Variants in CAMK4 observed in about 807,000 individuals in gnomAD.
CAMK4 encodes calcium/calmodulin dependent protein kinase IV, also known as calcium/calmodulin-dependent protein kinase type IV.
In CAMK4, 22 loss-of-function variants were observed where a neutral mutation model predicts 44.9. The observed-to-expected ratio is 0.49, with a 90% CI of 0.35 to 0.70. The LOEUF is 0.70. Among genes scored for constraint, CAMK4 ranks in the 30% least tolerant of loss-of-function variants. The pLI is 0.01. For synonymous variants in CAMK4, 218 were observed against 215.4 expected (o/e 1.01, Z -0.11); for missense variants, 498 against 586.8 (o/e 0.85, Z 1.56).
At chr5:111,444,911 A>G (rs192893890) in intron 5 of CAMK4, among the ~76,000 whole-genome samples, 16 of 152,354 alleles carry the variant, frequency 1.1e-4, no homozygotes, top group Admixed American at 7.8e-4. Context: ...CAAACTTAAG[A>G]CACAATCTTT....
At position 111,234,310 on chromosome 5, in the gene CAMK4, C is replaced by G. The variant is rs372553894; in HGVS notation, c.161+9666C>G. Among the ~76,000 whole-genome samples, 18 of 152,260 alleles carry G rather than the reference C, an allele frequency of 1.2e-4. No individual in the cohort carries two copies. The South Asian group carries it at 1.9e-3, about 16-fold the overall frequency. ...GTACATACGTGCAACTGTTATGCAT[C>G]TCAAGACTACTTGATGAACGGTTTT... On this transcript the variant is annotated intron_variant, in intron 1 of 10. Transcript: ENST00000282356.
At chr5:111,345,594 T>C (rs181443351) in intron 2 of CAMK4, among the ~76,000 whole-genome samples, 1 of 152,104 alleles carries the variant, frequency 6.6e-6, no homozygotes, top group African/African-American at 2.4e-5. Context: ...GAAGGGCTAT[T>C]TGTTTTTCAT....
chr5:111,459,499 A>G (rs1260070338), intron 7 of CAMK4, among the ~76,000 whole-genome samples: 1 of 152,184 alleles, frequency 6.6e-6, no homozygotes, highest in Non-Finnish European at 1.5e-5. Context: ...GTAATAAATA[A>G]TATCACCAAA....
At chr5:111,402,868 CA>C (rs2112878260) in intron 5 of CAMK4, among the ~76,000 whole-genome samples, 1 of 152,278 alleles carries the variant, frequency 6.6e-6, no homozygotes, top group South Asian at 2.1e-4. Context: ...CTGAGGAAGG[CA>C]GGGAAGAAAG....
intron 1 of CAMK4, among the ~76,000 whole-genome samples, chr5:111,263,555 T>C (rs979100785): frequency 3.3e-5 from 5 of 152,220 alleles, no homozygotes; most frequent in African/African-American, 1.2e-4. Context: ...ATCTCTACCC[T>C]AATCCAGTTC....
intron 5 of CAMK4, among the ~76,000 whole-genome samples, chr5:111,403,281 C>T (rs1303753768): frequency 6.6e-6 from 1 of 152,170 alleles, no homozygotes; most frequent in South Asian, 2.1e-4. Flanking sequence ...GTCATTCCTG[C>T]TTGAATCCAC....
chr5:111,467,934 T>TCACA (rs60254627), intron 7 of CAMK4, among the ~76,000 whole-genome samples: 14,511 of 143,308 alleles, frequency 0.1, 838 homozygotes, highest in African/African-American at 0.16. Flanking sequence ...AAAGAAATTG[T>TCACA]CACACACACA....
intron 1 of CAMK4, among the ~76,000 whole-genome samples, chr5:111,265,325 G>A (rs1231253877): frequency 1.3e-5 from 2 of 152,172 alleles, no homozygotes; most frequent in Non-Finnish European, 2.9e-5. Flanking sequence ...ATGTGGTGTG[G>A]TTTTATACTT....
intron 1 of CAMK4, among the ~76,000 whole-genome samples, chr5:111,308,706 A>C (rs1580564321): frequency 6.6e-6 from 1 of 152,222 alleles, no homozygotes; most frequent in African/African-American, 2.4e-5. Flanking sequence ...TCCTAGAATC[A>C]TTTATGTTAT....
chr5:111,454,996 T>C (rs1341600470), intron 7 of CAMK4, among the ~76,000 whole-genome samples: 1 of 152,270 alleles, frequency 6.6e-6, no homozygotes. Context: ...TGTTTTCTTT[T>C]GGCATTTGCC....
chr5:111,468,491 C>G (rs1480172579), intron 7 of CAMK4, among the ~76,000 whole-genome samples: 1 of 152,178 alleles, frequency 6.6e-6, no homozygotes, highest in African/African-American at 2.4e-5. Flanking sequence ...AAGTAGCCAA[C>G]TTTCTTGCCC....
intron 1 of CAMK4, among the ~76,000 whole-genome samples, chr5:111,333,638 A>G (rs1016554440): frequency 2.6e-5 from 4 of 151,602 alleles, no homozygotes; most frequent in Non-Finnish European, 5.9e-5. Flanking sequence ...AAGAGGAGCC[A>G]TATTTAAGCC....
intron 1 of CAMK4, among the ~76,000 whole-genome samples, chr5:111,338,930 A>C (rs983932757): frequency 6.6e-6 from 1 of 151,190 alleles, no homozygotes; most frequent in Non-Finnish European, 1.5e-5. Flanking sequence ...TGCTTTGGCT[A>C]TTCAGGCTCT....
intron 1 of CAMK4, among the ~76,000 whole-genome samples, chr5:111,342,105 G>T (rs1202340256): frequency 6.6e-6 from 1 of 150,620 alleles, no homozygotes; most frequent in African/African-American, 2.4e-5. Flanking sequence ...TTGGTGGAGA[G>T]TTTTTTTTTC....
At chr5:111,281,828 G>A (rs1751029060) in intron 1 of CAMK4, among the ~76,000 whole-genome samples, 1 of 152,102 alleles carries the variant, frequency 6.6e-6, no homozygotes, top group Non-Finnish European at 1.5e-5. Context: ...GGAGGCCGAG[G>A]CGGGCGGATC....
intron 5 of CAMK4, among the ~76,000 whole-genome samples, chr5:111,399,555 G>A (rs1752145980): frequency 6.6e-6 from 1 of 152,238 alleles, no homozygotes; most frequent in Non-Finnish European, 1.5e-5. Context: ...TGACAAAGTA[G>A]GAGCTCAATA....
chr5:111,443,305 C>T (rs1416623555), intron 5 of CAMK4, among the ~76,000 whole-genome samples: 5 of 134,830 alleles, frequency 3.7e-5, no homozygotes, highest in African/African-American at 1.4e-4. Context: ...CACACACACA[C>T]ACACACACAC....
chr5:111,339,328 C>A (rs935629923), intron 1 of CAMK4, among the ~76,000 whole-genome samples: 7 of 151,164 alleles, frequency 4.6e-5, no homozygotes, highest in Non-Finnish European at 1.0e-4. Flanking sequence ...GAGCTTTCTT[C>A]CTATGTTTTC....
chr5:111,462,065 A>G (rs969022593), intron 7 of CAMK4, among the ~76,000 whole-genome samples: 1 of 152,156 alleles, frequency 6.6e-6, no homozygotes, highest in Non-Finnish European at 1.5e-5. Flanking sequence ...TACTTGAGCC[A>G]TGCTCCAGCC....
Sources: gnomAD v4.1 joint callset for allele counts (sites outside exome capture counted in the v4.1 genomes callset) on GRCh38, gnomAD v4.1.1 for gene constraint, MANE v1.5 for transcripts, NCBI Gene and HGNC (gene_info 2026-07-23, HGNC 2026-07-21) for gene names.